The following MYH2 variants were observed in gnomAD, a reference collection of about 807,000 sequenced individuals.
MYH2 encodes the protein myosin-2.
In MYH2, 139 loss-of-function variants were observed where a neutral mutation model predicts 228.1. The ratio of observed to expected loss-of-function variants is 0.61; its 90% confidence interval spans 0.53 to 0.70. The LOEUF (loss-of-function observed/expected upper bound fraction) is 0.70. Ranked by LOEUF, MYH2 falls within the 30% of genes least tolerant of loss-of-function variation. MYH2 has a pLI of 0.00. For synonymous variants in MYH2, 796 were observed against 871.1 expected, an observed-to-expected ratio of 0.91 and a Z score of 1.52; for missense variants, 1,809 against 2,357.5, an observed-to-expected ratio of 0.77 and a Z score of 4.82.
intron 25 of MYH2, 25 bp downstream of exon 25, chr17:10,529,311 C>T: frequency 1.2e-6 from 2 of 1,613,932 alleles, no homozygotes; most frequent in Non-Finnish European, 8.5e-7. Context: ...GGAAGCAAAT[C>T]CATAAGCAAT....
chr17:10,529,065 C>T lies in MYH2; in HGVS notation c.3369G>A (p.Glu1123=). 1.9e-6 allele frequency: 3 copies of T among 1,614,236 alleles called. No homozygotes were observed. The highest frequency in any genetic ancestry group is 2.5e-6 in the Non-Finnish European group (3 of 1,180,048). The part of the protein sequence containing the change: ...KIKELQARIE[E]LEEEIEAERA... ...GCTCTGCCTCGATTTCCTCCTCCAG[C>T]TCCTCAATGCGGGCCTGGGAATGGT... The change falls in exon 27 of 40, where the codon GAG becomes GAA. Residue 1123 remains glutamate, a synonymous_variant. Coordinates refer to ENST00000245503, the MANE Select transcript of MYH2 (RefSeq NM_017534.6).
At chr17:10,534,908 C>T in intron 19 of MYH2, 165 bp downstream of exon 19, 1 of 875,358 alleles carries the variant, frequency 1.1e-6, no homozygotes, top group Non-Finnish European at 1.8e-6. Context: ...CAGAGCAAGA[C>T]TTTGTCTCAA....
rs1277086256 is a variant in MYH2, at chr17:10,539,243, T to C, written c.1378A>G (p.Ile460Val). ...LDTKQPRQYFIGVLDIAGFEI... is the reference protein window; with the variant it reads ...LDTKQPRQYFVGVLDIAGFEI... ...AAACCAGCAATGTCCAAGACCCCGA[T>C]GAAGTACTGCCTGGGCTGCTTGGTG... The change falls in exon 14 of 40, where the codon ATC (isoleucine) becomes GTC (valine). Residue 460 changes from isoleucine (I) to valine (V), a missense_variant. Transcript: ENST00000245503. 16 of 1,614,198 alleles carry C rather than the reference T, an allele frequency of 9.9e-6. No individual in the cohort carries two copies. Among genetic ancestry groups the C allele is most frequent in the Non-Finnish European group, 1.4e-5 (16 of 1,180,044 alleles).
chr17:10,543,578 A>G, intron 8 of MYH2, 133 bp downstream of exon 8: 1 of 1,340,538 alleles, frequency 7.5e-7, no homozygotes, highest in Admixed American at 1.9e-5. Context: ...CTATGTTATT[A>G]CATGCTCAGA....
rs767644286 is a variant in MYH2, at chr17:10,523,704, T to C, written c.5302-38A>G. On this transcript the variant is annotated intron_variant, in intron 36 of 39. Coordinates refer to ENST00000245503, the MANE Select transcript of MYH2 (RefSeq NM_017534.6). ...TAAATCAAGAAAACCAAGAAAGTTATAGATGTCAGGAAATCTTACTGCTAA... is the reference window on the plus strand; with the variant it reads ...TAAATCAAGAAAACCAAGAAAGTTACAGATGTCAGGAAATCTTACTGCTAA... 10 of 1,614,104 alleles carry C rather than the reference T, an allele frequency of 6.2e-6. No individual in the cohort carries two copies. In the Admixed American group the frequency reaches 1.2e-4, roughly 19 times the overall value.
In MYH2 at chr17:10,531,820, T is replaced by G. The variant is rs1300217058; in HGVS notation, c.2510A>C (p.Lys837Thr). 1 of 1,614,068 alleles carries G rather than the reference T, an allele frequency of 6.2e-7. No individual in the cohort carries two copies. Among genetic ancestry groups the G allele is most frequent in the East Asian group, 2.2e-5 (1 of 44,886 alleles). Residue 837 changes from lysine to threonine, a missense_variant, in exon 22 of 40, where the codon AAA becomes ACA. Physicochemically the swap from Lys to Thr is moderately conservative, Grantham distance 78. Coordinates refer to ENST00000245503, the MANE Select transcript of MYH2 (RefSeq NM_017534.6). ...FMNVKHWPWM[K>T]LFFKIKPLLK... is the part of the protein sequence containing the mutation. ...CAGAGGCTTGATCTTGAAGAAGAGTTTCATCCAGGGCCAGTGCTTGACATT... is the reference window on the plus strand; with the variant it reads ...CAGAGGCTTGATCTTGAAGAAGAGTGTCATCCAGGGCCAGTGCTTGACATT...
Position 10,539,237 on chromosome 17 carries a change from C to T in MYH2, c.1384G>A (p.Val462Ile). 1 of 1,614,180 alleles carries T rather than the reference C, an allele frequency of 6.2e-7. No individual in the cohort carries two copies. The highest frequency in any genetic ancestry group is 2.2e-5 in the East Asian group (1 of 44,886). Residue 462 changes from valine to isoleucine, a missense_variant, in exon 14 of 40, where the codon GTC (valine) becomes ATC (isoleucine). Val to Ile is a conservative substitution (Grantham distance 29, BLOSUM62 3). Coordinates refer to ENST00000245503, the MANE Select transcript of MYH2 (RefSeq NM_017534.6). Reference sequence around the variant, plus strand: ...ATCTCAAAACCAGCAATGTCCAAGACCCCGATGAAGTACTGCCTGGGCTGC... The same window carrying T: ...ATCTCAAAACCAGCAATGTCCAAGATCCCGATGAAGTACTGCCTGGGCTGC... ...TKQPRQYFIG[V>I]LDIAGFEIFD...
chr17:10,523,254 G>A (rs1264111463), intron 38 of MYH2, 54 bp downstream of exon 38: 1 of 1,606,220 alleles, frequency 6.2e-7, no homozygotes, highest in South Asian at 1.1e-5. Flanking sequence ...TTGCATATGA[G>A]TATTTCACAT....
chr17:10,539,682 C>G, intron 12 of MYH2, 120 bp from the exon 13 acceptor site: 2 of 1,224,348 alleles, frequency 1.6e-6, no homozygotes, highest in South Asian at 2.5e-5. Context: ...TCTGAGTATC[C>G]TTACCCATTT....
rs9899992 is a variant in MYH2, at chr17:10,528,028, G to T, written c.3745-154C>A. 0.41 allele frequency among the ~76,000 whole-genome samples: 61,024 copies of T among 147,474 alleles called. 13,475 individuals carry two copies. Among genetic ancestry groups the T allele is most frequent in the East Asian group, 0.83 (4,143 of 4,980 alleles). On this transcript the variant is annotated intron_variant, in intron 27 of 39. Coordinates refer to ENST00000245503, the MANE Select transcript of MYH2 (RefSeq NM_017534.6). ...ATTATCTTATATGTAATGTAATGCA[G>T]AAAAATTTTTCTTTCTTTCTTTTTT...
At chr17:10,522,177 G>A (rs1339431105) in intron 39 of MYH2, among the ~76,000 whole-genome samples, 1 of 152,112 alleles carries the variant, frequency 6.6e-6, no homozygotes, top group South Asian at 2.1e-4. Context: ...CTACATAGCT[G>A]GGGGATTATC....
At chr17:10,544,864 T>C (rs1182687847) in intron 5 of MYH2, among the ~76,000 whole-genome samples, 1 of 152,134 alleles carries the variant, frequency 6.6e-6, no homozygotes, top group African/African-American at 2.4e-5. Flanking sequence ...CAAAGGGCGA[T>C]AGCATTGTGC....
chr17:10,536,572 C>G lies in MYH2; in HGVS notation c.1932G>C (p.Lys644Asn). 6.2e-7 allele frequency: 1 copy of G among 1,614,030 alleles called. No individual in the cohort carries two copies. The highest frequency in any genetic ancestry group is 8.5e-7 in the Non-Finnish European group (1 of 1,179,958). ...GAGGGAKKGG[K>N]KKGSSFQTVS... ...CTGTCTGGAAAGAAGAGCCCTTCTT[C>G]TTACCACCTTTCTTGGCCCCTCCAC... Residue 644 changes from lysine to asparagine, a missense_variant, in exon 17 of 40, where the codon AAG becomes AAC. Lys to Asn is a moderately conservative substitution (Grantham distance 94). This residue lies in a region of MYH2 where 276 missense variants were observed against 344.2 expected (regional missense o/e 0.80). Coordinates refer to ENST00000245503, the MANE Select transcript of MYH2 (RefSeq NM_017534.6).
rs763044648 is a variant in MYH2 at position 10,529,466 on chromosome 17, C to G, written c.3133G>C (p.Glu1045Gln). 3 of 1,614,176 alleles carry G rather than the reference C, an allele frequency of 1.9e-6. No homozygotes were observed. Among genetic ancestry groups the G allele is most frequent in the East Asian group, 4.5e-5 (2 of 44,878 alleles). Residue 1045 changes from glutamate to glutamine, a missense_variant, in exon 25 of 40, where the codon GAG (glutamate) becomes CAG (glutamine). Glu to Gln is a conservative substitution (Grantham distance 29). Coordinates refer to ENST00000245503, the MANE Select transcript of MYH2 (RefSeq NM_017534.6). ...TCCATGCGAAGTTTCTTTTCTTGCT[C>G]CAAGGACCCTTCAAGCTAAATATAA... ...QQVDDLEGSL[E>Q]QEKKLRMDLE...
Position 10,537,118 on chromosome 17 carries a change from G to A in MYH2, c.1897+115C>T. The stretch of plus-strand genomic sequence containing the variant: ...AAGGCTGCCTATCTATTCAATACTT[G>A]GAGGAACCAGGGGCTTGGTCTGCAA... On this transcript the variant is annotated intron_variant, in intron 16 of 39. Coordinates refer to ENST00000245503, the MANE Select transcript of MYH2 (RefSeq NM_017534.6). This position sits in a 1 kb window ranked among gnomAD's most constrained non-coding sequence, Gnocchi z 4.0. 4.3e-6 allele frequency: 6 copies of A among 1,383,688 alleles called. No individual in the cohort carries two copies. The highest frequency in any genetic ancestry group is 6.1e-6 in the Non-Finnish European group (6 of 981,250). The allele number at this position is 1,383,688 out of a possible 1,614,324, so 85.7% of individuals were successfully genotyped here. A position where few individuals can be genotyped will look rare whatever the true frequency, so the allele number is the denominator to read the frequency against.
chr17:10,544,489 C>A (rs551232977), intron 5 of MYH2, among the ~76,000 whole-genome samples: 19 of 152,254 alleles, frequency 1.2e-4, no homozygotes, highest in African/African-American at 4.6e-4. Context: ...TAAATAAACA[C>A]CAAAAGTAGA....
At position 10,549,618 on chromosome 17, in the gene MYH2, C is replaced by T. The variant is rs942593474; in HGVS notation, c.-64+18G>A. On this transcript the variant is annotated intron_variant, in intron 1 of 39. Coordinates refer to ENST00000245503, the MANE Select transcript of MYH2 (RefSeq NM_017534.6). ...TGACCAGTGTCCCTCTTGAAAGGCCCGTCCTGCTCCCACTTACCTTGGAGC... is the reference window on the plus strand; with the variant it reads ...TGACCAGTGTCCCTCTTGAAAGGCCTGTCCTGCTCCCACTTACCTTGGAGC... The T allele has an allele frequency of 2.0e-5, 3 of 152,164 alleles. No individual in the cohort carries two copies. Among genetic ancestry groups the T allele is most frequent in the Non-Finnish European group, 4.4e-5 (3 of 68,042 alleles). 9.4% of individuals were successfully genotyped at this position (152,164 alleles called of 1,614,324 possible). A position where few individuals can be genotyped will look rare whatever the true frequency, so the allele number is the denominator to read the frequency against.
intron 10 of MYH2, 137 bp from the exon 11 acceptor site, chr17:10,540,834 G>A: frequency 1.5e-6 from 1 of 676,904 alleles, no homozygotes; most frequent in South Asian, 1.8e-5. Flanking sequence ...TGAAGCCATG[G>A]TGGAAGAACA....
chr17:10,547,568 A>G lies in MYH2; in HGVS notation c.255T>C (p.Tyr85=). The G allele has an allele frequency of 6.2e-7, 1 of 1,614,134 alleles. No individual in the cohort carries two copies. The highest frequency in any genetic ancestry group is 8.5e-7 in the Non-Finnish European group (1 of 1,180,028). Residue 85 remains tyrosine, a synonymous_variant, in exon 4 of 40, where the codon TAT becomes TAC. Coordinates refer to ENST00000245503, the MANE Select transcript of MYH2 (RefSeq NM_017534.6). Reference sequence around the variant, plus strand: ...TCATGGCCATATCCTCGATCTTGTCATATTTGGGAGGGTTCATGGGGAAGA... The same window carrying G: ...TCATGGCCATATCCTCGATCTTGTCGTATTTGGGAGGGTTCATGGGGAAGA... ...DQVFPMNPPK[Y]DKIEDMAMMT...
Sources: gnomAD v4.1 joint callset for allele counts (sites outside exome capture counted in the v4.1 genomes callset) on GRCh38, gnomAD v4.1.1 for gene constraint, gnomAD v4.1.1 regional missense constraint, Gnocchi (gnomAD v3.1) non-coding constraint, MANE v1.5 for transcripts, NCBI Gene and HGNC (gene_info 2026-07-23, HGNC 2026-07-21) for gene names.